The following CACNA2D3 variants were observed in gnomAD, a reference collection of about 807,000 sequenced individuals.
CACNA2D3 encodes the protein calcium voltage-gated channel auxiliary subunit alpha2delta 3.
Under a neutral mutation model 160.6 loss-of-function variants are expected in CACNA2D3, and 60 were observed. That is an observed-to-expected ratio of 0.37 (90% CI 0.30 to 0.46). The LOEUF is 0.46. Among genes scored for constraint, CACNA2D3 ranks in the 20% least tolerant of loss-of-function variants. The probability of loss-of-function intolerance (pLI) is 1.00; values close to 1 mark genes in which losing one functional copy is unlikely to be tolerated. For synonymous variants in CACNA2D3, 558 were observed against 492.9 expected, an observed-to-expected ratio of 1.13 and a Z score of -1.75; for missense variants, 1,205 against 1,365.0, an observed-to-expected ratio of 0.88 and a Z score of 1.85.
At chr3:54,280,068 G>GTTTATTTA (rs71617794) in intron 2 of CACNA2D3, among the ~76,000 whole-genome samples, 199 of 135,458 alleles carry the variant, frequency 1.5e-3, no homozygotes, top group South Asian at 4.7e-3. Flanking sequence ...TTGTTTGTTT[G>GTTTATTTA]TTTATTTATT....
At chr3:55,006,618 G>T (rs912790018) in intron 32 of CACNA2D3, among the ~76,000 whole-genome samples, 4 of 152,220 alleles carry the variant, frequency 2.6e-5, no homozygotes, top group Admixed American at 2.6e-4. Context: ...TTCAAGGAAT[G>T]ATGTGGAAGC....
rs181411171 is a variant in CACNA2D3, at chr3:54,142,206, C to A, written c.204+18612C>A. Among the ~76,000 whole-genome samples, 33 of 152,308 alleles carry A rather than the reference C, an allele frequency of 2.2e-4. No individual in the cohort carries two copies. The East Asian group carries it at 5.2e-3, about 24-fold the overall frequency. On this transcript the variant is annotated intron_variant, in intron 2 of 37. Transcript: ENST00000474759. The stretch of plus-strand genomic sequence containing the variant: ...CTGGTCCAGCGTCACCCTCACTGCT[C>A]CTCCTTGTGTGAGTTCAGGGACTTA...
At chr3:55,038,059 T>C (rs1205634019) in intron 35 of CACNA2D3, among the ~76,000 whole-genome samples, 1 of 152,140 alleles carries the variant, frequency 6.6e-6, no homozygotes, top group Non-Finnish European at 1.5e-5. Flanking sequence ...GGACTCTCTC[T>C]CTCTTTCACT....
intron 8 of CACNA2D3, among the ~76,000 whole-genome samples, chr3:54,581,448 T>G (rs1702675874): frequency 6.6e-6 from 1 of 152,166 alleles, no homozygotes; most frequent in Non-Finnish European, 1.5e-5. Flanking sequence ...CACGCAACTC[T>G]GGGGTGCTCT....
At chr3:54,651,828 T>C (rs1699770354) in intron 11 of CACNA2D3, among the ~76,000 whole-genome samples, 1 of 152,278 alleles carries the variant, frequency 6.6e-6, no homozygotes, top group Admixed American at 6.5e-5. Flanking sequence ...CCTCTTCTCC[T>C]GATAGTTCTG....
At chr3:54,182,083 T>G (rs1181134673) in intron 2 of CACNA2D3, among the ~76,000 whole-genome samples, 1 of 152,186 alleles carries the variant, frequency 6.6e-6, no homozygotes, top group Non-Finnish European at 1.5e-5. Flanking sequence ...AGGTTTTAGA[T>G]TGCCCCAGAG....
intron 6 of CACNA2D3, among the ~76,000 whole-genome samples, chr3:54,566,530 A>G (rs181922415): frequency 5.6e-4 from 85 of 152,290 alleles, no homozygotes; most frequent in South Asian, 1.4e-3. Flanking sequence ...TCTTAGCTTT[A>G]TTTAAAATGA....
At chr3:54,985,078 A>G (rs1191893024) in intron 30 of CACNA2D3, among the ~76,000 whole-genome samples, 1 of 152,122 alleles carries the variant, frequency 6.6e-6, no homozygotes, top group Non-Finnish European at 1.5e-5. Context: ...ACATACACGT[A>G]TGTTTCTACA....
chr3:54,802,750 C>A (rs1416849008), intron 13 of CACNA2D3, among the ~76,000 whole-genome samples: 2 of 152,120 alleles, frequency 1.3e-5, no homozygotes, highest in East Asian at 3.9e-4. Context: ...GGGCAGACTG[C>A]CTCCTCAAGT....
intron 11 of CACNA2D3, among the ~76,000 whole-genome samples, chr3:54,718,965 T>G (rs890009690): frequency 6.6e-6 from 1 of 151,986 alleles, no homozygotes; most frequent in Non-Finnish European, 1.5e-5. Context: ...TTCTAATATT[T>G]GAAAGCCATC....
chr3:54,522,815 C>G (rs1459157544), intron 5 of CACNA2D3, among the ~76,000 whole-genome samples: 1 of 152,154 alleles, frequency 6.6e-6, no homozygotes, highest in African/African-American at 2.4e-5. Flanking sequence ...ATGACCTAGT[C>G]AACTCTTACA....
Position 54,639,538 on chromosome 3 carries a change from T to G in CACNA2D3, c.1054-2590T>G, listed in dbSNP as rs370172418. 3.4e-3 allele frequency: 541 copies of G among 157,200 alleles called. 3 individuals carry two copies. The highest frequency in any genetic ancestry group is 4.3e-3 in the Non-Finnish European group (305 of 71,504). The allele number at this position is 157,200 out of a possible 1,614,324, so 9.7% of individuals were successfully genotyped here. On this transcript the variant is annotated intron_variant, in intron 10 of 37. Coordinates refer to ENST00000474759, the MANE Select transcript of CACNA2D3 (RefSeq NM_018398.3). ...AGAGATTGAAGTGTGGCGCCAAGAT[T>G]GAAAGGAGAAAGAGGTTGAGGGATA...
chr3:54,316,975 C>G (rs1173030692), intron 2 of CACNA2D3, among the ~76,000 whole-genome samples: 1 of 152,168 alleles, frequency 6.6e-6, no homozygotes, highest in Non-Finnish European at 1.5e-5. Context: ...ACCTTAATTA[C>G]AGAATTTAGA....
At chr3:54,933,968 G>A (rs879680211) in intron 27 of CACNA2D3, among the ~76,000 whole-genome samples, 3 of 151,952 alleles carry the variant, frequency 2.0e-5, no homozygotes, top group Admixed American at 6.6e-5. Flanking sequence ...ACGGGGTTTC[G>A]TCATGTTGGT....
In CACNA2D3 at chr3:54,244,695, C is replaced by T. The variant is rs150096672; in HGVS notation, c.205-75747C>T. Among the ~76,000 whole-genome samples the T allele has an allele frequency of 7.5e-3, 1,147 of 152,334 alleles. 12 individuals are homozygous for T. The highest frequency in any genetic ancestry group is 0.012 in the Non-Finnish European group (850 of 68,024). On this transcript the variant is annotated intron_variant, in intron 2 of 37. Transcript: ENST00000474759. ...CAGTCTTGTGTGTATGATGAGATCA[C>T]ATGTAGAGGTGTTTACCAAACATTT...
chr3:55,027,368 T>C (rs1703584656), intron 35 of CACNA2D3, among the ~76,000 whole-genome samples: 1 of 152,192 alleles, frequency 6.6e-6, no homozygotes, highest in South Asian at 2.1e-4. Flanking sequence ...TATGAAGCTG[T>C]TGTTTGGCAT....
chr3:55,009,576 CA>C, intron 34 of CACNA2D3, 133 bp downstream of exon 34: 2 of 803,812 alleles, frequency 2.5e-6, no homozygotes, highest in Non-Finnish European at 2.1e-6. Context: ...GCTCTGTCAG[CA>C]AAAAGCCAGC....
At chr3:54,177,695 A>G (rs998274576) in intron 2 of CACNA2D3, 1 of 152,156 alleles carries the variant, frequency 6.6e-6, no homozygotes, top group Non-Finnish European at 1.5e-5. Flanking sequence ...ATGCTGTGTG[A>G]TGGGTGCGGA....
At chr3:54,388,168 T>C (rs1699221491) in intron 4 of CACNA2D3, among the ~76,000 whole-genome samples, 2 of 152,224 alleles carry the variant, frequency 1.3e-5, no homozygotes, top group South Asian at 4.1e-4. Context: ...GCCATACTTA[T>C]GACCTGAAGA....
Sources: allele counts gnomAD v4.1 joint callset (sites outside exome capture counted in the v4.1 genomes callset), GRCh38; gene constraint gnomAD v4.1.1; transcripts MANE v1.5; gene names NCBI Gene and HGNC (gene_info 2026-07-23, HGNC 2026-07-21).